Variants in MYO3B observed in about 807,000 individuals in gnomAD.
MYO3B encodes the protein myosin IIIB.
Under a neutral mutation model 174.6 loss-of-function variants are expected in MYO3B, and 156 were observed. That is an observed-to-expected ratio of 0.89 (90% CI 0.78 to 1.02). MYO3B has a LOEUF of 1.02. Among genes scored for constraint, MYO3B ranks in the 50% least tolerant of loss-of-function variants. MYO3B has a pLI of 0.00. For synonymous variants in MYO3B, 563 were observed against 569.1 expected, an observed-to-expected ratio of 0.99 and a Z score of 0.15; for missense variants, 1,632 against 1,639.4, an observed-to-expected ratio of 1.00 and a Z score of 0.08.
rs140868949 is a variant in MYO3B at position 170,221,477 on chromosome 2, GAC to G, written c.603+4088_603+4089del. Among the ~76,000 whole-genome samples the G allele has an allele frequency of 1.4e-3, 214 of 152,204 alleles. 5 individuals carry two copies. The East Asian group carries it at 0.039, about 27-fold the overall frequency. ...CAATCAAATGTTGATGAGCAGTCAA[GAC>G]ACACAGTTCACTGGGGCACCTCAAA... is the stretch of plus-strand genomic sequence containing the variant. On this transcript the variant is annotated intron_variant, in intron 6 of 34. Coordinates refer to ENST00000408978, the MANE Select transcript of MYO3B (RefSeq NM_138995.5).
rs1421435900 is a variant in MYO3B at position 170,531,823 on chromosome 2, C to T, written c.3576-11083C>T. Among the ~76,000 whole-genome samples the T allele has an allele frequency of 3.3e-5, 5 of 152,080 alleles. No individual in the cohort carries two copies. In the East Asian group the frequency reaches 7.7e-4, roughly 23 times the overall value. On this transcript the variant is annotated intron_variant, in intron 30 of 34. Transcript: ENST00000408978. ...AGGAAGGAAGAGAAGAGGCTGAGCTCTGACTTACAATAAAATATGAAATAA... is the reference window on the plus strand; with the variant it reads ...AGGAAGGAAGAGAAGAGGCTGAGCTTTGACTTACAATAAAATATGAAATAA...
intron 8 of MYO3B, among the ~76,000 whole-genome samples, chr2:170,354,716 A>C (rs1259508074): frequency 6.6e-6 from 1 of 152,022 alleles, no homozygotes; most frequent in Non-Finnish European, 1.5e-5. Context: ...TTATTCAGCA[A>C]ATTAAAGGCT....
intron 28 of MYO3B, 140 bp from the exon 29 acceptor site, chr2:170,514,781 A>T: frequency 1.6e-6 from 1 of 628,908 alleles, no homozygotes; most frequent in Non-Finnish European, 2.8e-6. Flanking sequence ...CACCAAGTTC[A>T]TAAGTGAGAT....
At chr2:170,491,820 C>T (rs991691836) in intron 25 of MYO3B, among the ~76,000 whole-genome samples, 12 of 152,048 alleles carry the variant, frequency 7.9e-5, no homozygotes, top group South Asian at 2.1e-4. Context: ...TTTGGAAGGC[C>T]GGGGTGGCAG....
intron 20 of MYO3B, among the ~76,000 whole-genome samples, chr2:170,405,224 T>G (rs900981413): frequency 2.0e-5 from 3 of 152,222 alleles, no homozygotes; most frequent in African/African-American, 7.2e-5. Flanking sequence ...TGTCACAAGT[T>G]GTCCAGATGA....
In MYO3B at chr2:170,405,618, G is replaced by A; in HGVS notation, c.2505G>A (p.Gln835=). The A allele has an allele frequency of 6.2e-7, 1 of 1,614,166 alleles. No homozygotes were observed. The highest frequency in any genetic ancestry group is 1.7e-5 in the Admixed American group (1 of 60,028). The change falls in exon 21 of 35, where the codon CAG becomes CAA. Residue 835 remains glutamine (Q), a synonymous_variant. Transcript: ENST00000408978. ...PKGVELCFGI[Q]HYAGKVLYDA... ...GAGTGGAACTGTGCTTTGGCATTCAGCATTATGCTGGAAAGGTGAGGCCAG... is the reference window on the plus strand; with the variant it reads ...GAGTGGAACTGTGCTTTGGCATTCAACATTATGCTGGAAAGGTGAGGCCAG...
At chr2:170,344,242 TG>T (rs2105572896) in intron 8 of MYO3B, 1 of 152,156 alleles carries the variant, frequency 6.6e-6, no homozygotes, top group African/African-American at 2.4e-5. Context: ...CCGAGGCGGG[TG>T]GATCACAAGG....
At chr2:170,439,020 T>G in intron 22 of MYO3B, among the ~76,000 whole-genome samples, 1 of 151,880 alleles carries the variant, frequency 6.6e-6, no homozygotes, top group Non-Finnish European at 1.5e-5. Flanking sequence ...ATATACCGGT[T>G]AGCCATTTGT....
intron 32 of MYO3B, among the ~76,000 whole-genome samples, chr2:170,592,211 C>A (rs751665242): frequency 6.6e-6 from 1 of 152,150 alleles, no homozygotes; most frequent in South Asian, 2.1e-4. Flanking sequence ...GATAGAGGTA[C>A]TTTTTGAGGA....
chr2:170,180,158 G>A, intron 1 of MYO3B: 1 of 446,076 alleles, frequency 2.2e-6, no homozygotes, highest in Non-Finnish European at 4.5e-6. Context: ...GGTGCATGCT[G>A]CAGAGTGCTT....
chr2:170,304,843 T>C (rs2093690229), intron 7 of MYO3B, among the ~76,000 whole-genome samples: 1 of 152,062 alleles, frequency 6.6e-6, no homozygotes, highest in South Asian at 2.1e-4. Context: ...TTGACTGTTA[T>C]GTCACAGGTA....
chr2:170,597,513 G>A (rs369018253), intron 32 of MYO3B, among the ~76,000 whole-genome samples: 1 of 152,094 alleles, frequency 6.6e-6, no homozygotes, highest in African/African-American at 2.4e-5. Context: ...GAGTACCCCT[G>A]GATCCTGCCT....
intron 16 of MYO3B, 124 bp downstream of exon 16, chr2:170,392,619 G>C (rs1353971491): frequency 1.8e-6 from 1 of 552,144 alleles, no homozygotes; most frequent in East Asian, 3.3e-5. Context: ...CATGTTATAA[G>C]GTCTTGCTAC....
intron 32 of MYO3B, among the ~76,000 whole-genome samples, chr2:170,590,700 C>G (rs1330712456): frequency 6.6e-6 from 1 of 150,772 alleles, no homozygotes; most frequent in Non-Finnish European, 1.5e-5. Context: ...TAAGAAAAAT[C>G]TGGCTGAATT....
chr2:170,483,587 C>T (rs1481341038), intron 25 of MYO3B, among the ~76,000 whole-genome samples: 2 of 125,816 alleles, frequency 1.6e-5, no homozygotes, highest in South Asian at 4.4e-4. Flanking sequence ...GGGGTTTCAC[C>T]GTGTTAGCCA....
At chr2:170,464,861 C>T (rs2164962) in intron 24 of MYO3B, among the ~76,000 whole-genome samples, 68,877 of 151,710 alleles carry the variant, frequency 0.45, 18,570 homozygotes, top group Non-Finnish European at 0.6. Context: ...ATACTTGAGA[C>T]TGGATAATTT....
At chr2:170,564,361 T>G (rs1287570969) in intron 32 of MYO3B, among the ~76,000 whole-genome samples, 1 of 152,158 alleles carries the variant, frequency 6.6e-6, no homozygotes, top group African/African-American at 2.4e-5. Context: ...TAATCCCAGC[T>G]ACTTGAGAGG....
At chr2:170,194,713 T>A (rs955953027) in intron 1 of MYO3B, among the ~76,000 whole-genome samples, 1 of 152,118 alleles carries the variant, frequency 6.6e-6, no homozygotes, top group Non-Finnish European at 1.5e-5. Flanking sequence ...AGGGAGCTTA[T>A]TAAGGAGAAT....
chr2:170,330,175 C>G lies in MYO3B; in HGVS notation c.750-5210C>G, dbSNP rs546645932. ...TTAAAATTCACAACTTTCAGGAAGC[C>G]CTTCTTAATTAACTGTGCCTCACTG... On this transcript the variant is annotated intron_variant, in intron 7 of 34. Coordinates refer to ENST00000408978, the MANE Select transcript of MYO3B (RefSeq NM_138995.5). Among the ~76,000 whole-genome samples the G allele has an allele frequency of 5.9e-5, 9 of 152,242 alleles. No individual in the cohort carries two copies. In the South Asian group the frequency reaches 1.9e-3, roughly 32 times the overall value.
Sources: gnomAD v4.1 joint callset for allele counts (sites outside exome capture counted in the v4.1 genomes callset) on GRCh38, gnomAD v4.1.1 for gene constraint, MANE v1.5 for transcripts, NCBI Gene and HGNC (gene_info 2026-07-23, HGNC 2026-07-21) for gene names.